SPOCK3: variants seen among roughly 807,000 people sequenced by gnomAD.
The protein encoded by SPOCK3 is SPARC (osteonectin), cwcv and kazal like domains proteoglycan 3.
Under a neutral mutation model 56.6 loss-of-function variants are expected in SPOCK3, and 30 were observed. The observed-to-expected ratio is 0.53, with a 90% CI of 0.40 to 0.72. The LOEUF (loss-of-function observed/expected upper bound fraction) is 0.72. Among genes scored for constraint, SPOCK3 ranks in the 30% least tolerant of loss-of-function variants. SPOCK3 has a pLI of 0.00. For synonymous variants in SPOCK3, 196 were observed against 183.3 expected (o/e 1.07, Z -0.56); for missense variants, 527 against 530.0 (o/e 0.99, Z 0.06).
intron 4 of SPOCK3, among the ~76,000 whole-genome samples, chr4:166,936,680 C>T (rs1331375791): frequency 2.6e-5 from 4 of 151,972 alleles, no homozygotes; most frequent in Admixed American, 1.3e-4. Flanking sequence ...AATTTCTCTA[C>T]TACGTATTTG....
intron 2 of SPOCK3, among the ~76,000 whole-genome samples, chr4:167,112,355 T>C (rs1318600381): frequency 6.6e-6 from 1 of 152,102 alleles, no homozygotes; most frequent in African/African-American, 2.4e-5. Flanking sequence ...TAAATATAAA[T>C]TGCTTAAATA....
intron 3 of SPOCK3, among the ~76,000 whole-genome samples, chr4:167,024,499 T>C (rs949355839): frequency 6.6e-6 from 1 of 152,074 alleles, no homozygotes; most frequent in African/African-American, 2.4e-5. Context: ...GAGAGTTAAT[T>C]TTAACCCTAC....
chr4:167,039,366 G>A (rs183991516), intron 3 of SPOCK3, among the ~76,000 whole-genome samples: 13 of 151,976 alleles, frequency 8.6e-5, no homozygotes, highest in Non-Finnish European at 1.6e-4. Context: ...TCTTCTGCGG[G>A]GACATAACTC....
intron 7 of SPOCK3, among the ~76,000 whole-genome samples, chr4:166,766,399 G>A (rs944255996): frequency 1.3e-5 from 2 of 152,200 alleles, no homozygotes; most frequent in East Asian, 1.9e-4. Context: ...TAGCATGAAG[G>A]GCTGTCGAAT....
At chr4:166,917,703 C>G (rs28754440) in intron 4 of SPOCK3, among the ~76,000 whole-genome samples, 47,882 of 151,814 alleles carry the variant, frequency 0.32, 8,198 homozygotes, top group East Asian at 0.75. Flanking sequence ...TTATTTTTCT[C>G]TTTCCTGCTC....
At chr4:166,766,110 A>C (rs1188762126) in intron 7 of SPOCK3, among the ~76,000 whole-genome samples, 1 of 152,172 alleles carries the variant, frequency 6.6e-6, no homozygotes, top group Admixed American at 6.5e-5. Flanking sequence ...GGTTTTCTAA[A>C]TATACAATCA....
chr4:166,753,980 T>C (rs1736739345), intron 8 of SPOCK3: 1 of 543,454 alleles, frequency 1.8e-6, no homozygotes, highest in Non-Finnish European at 2.3e-6. Context: ...TAAGACACTT[T>C]TTCTGCTAGT....
intron 6 of SPOCK3, among the ~76,000 whole-genome samples, chr4:166,794,304 C>T (rs1245763994): frequency 6.7e-6 from 1 of 149,058 alleles, no homozygotes; most frequent in Non-Finnish European, 1.5e-5. Flanking sequence ...TGACATGGGT[C>T]TTCTGCTCCC....
chr4:167,112,561 T>C (rs561897994), intron 2 of SPOCK3, among the ~76,000 whole-genome samples: 1 of 152,152 alleles, frequency 6.6e-6, no homozygotes, highest in African/African-American at 2.4e-5. Context: ...GATTGTCATG[T>C]CTCCAACAGG....
intron 4 of SPOCK3, among the ~76,000 whole-genome samples, chr4:166,951,486 C>T (rs184685600): frequency 0.016 from 2,313 of 141,954 alleles, 214 homozygotes; most frequent in Non-Finnish European, 0.024. Context: ...GATTCACAGC[C>T]GAATTCTACC....
At chr4:167,126,378 T>A (rs1471943258) in intron 2 of SPOCK3, among the ~76,000 whole-genome samples, 2 of 151,922 alleles carry the variant, frequency 1.3e-5, no homozygotes, top group Admixed American at 6.6e-5. Flanking sequence ...CAAAACCCCG[T>A]CTCTACTAAA....
intron 4 of SPOCK3, among the ~76,000 whole-genome samples, chr4:166,955,673 GA>G (rs1368463142): frequency 6.9e-6 from 1 of 145,186 alleles, no homozygotes; most frequent in African/African-American, 2.5e-5. Context: ...AATATATAGA[GA>G]AATATAAATT....
intron 7 of SPOCK3, among the ~76,000 whole-genome samples, chr4:166,776,140 C>G (rs894633297): frequency 5.3e-5 from 8 of 152,046 alleles, no homozygotes; most frequent in Admixed American, 4.6e-4. Context: ...CTGGGCTGGG[C>G]ACGGTGGCTC....
chr4:166,797,656 CTT>C (rs1279816446), intron 6 of SPOCK3, among the ~76,000 whole-genome samples: 3 of 151,984 alleles, frequency 2.0e-5, no homozygotes, highest in South Asian at 4.2e-4. Context: ...GTATTAAAAA[CTT>C]ATTTTTTTTC....
At chr4:167,166,572 T>C (rs1200117390) in intron 2 of SPOCK3, among the ~76,000 whole-genome samples, 1 of 152,108 alleles carries the variant, frequency 6.6e-6, no homozygotes. Flanking sequence ...ACTCTGGTTA[T>C]AAAAGCACCT....
intron 6 of SPOCK3, among the ~76,000 whole-genome samples, chr4:166,860,819 A>ATATATATATATATATATATG (rs1240242462): frequency 5.5e-5 from 8 of 144,750 alleles, no homozygotes; most frequent in East Asian, 3.9e-4. Context: ...ATATATATGT[A>ATATATATATATATATATATG]TATATATATA....
At chr4:167,047,023 C>G (rs1409129279) in intron 3 of SPOCK3, among the ~76,000 whole-genome samples, 14 of 152,074 alleles carry the variant, frequency 9.2e-5, no homozygotes, top group Admixed American at 8.5e-4. Context: ...ACGGATATAA[C>G]TACATGCTAG....
At chr4:166,796,847 T>C (rs1297338902) in intron 6 of SPOCK3, among the ~76,000 whole-genome samples, 1 of 152,176 alleles carries the variant, frequency 6.6e-6, no homozygotes. Flanking sequence ...TGTAGTACAG[T>C]TAAAATCTGG....
At chr4:167,207,862 AAAGTAT>A (rs1323220677) in intron 2 of SPOCK3, among the ~76,000 whole-genome samples, 1 of 152,074 alleles carries the variant, frequency 6.6e-6, no homozygotes, top group Non-Finnish European at 1.5e-5. Context: ...CCTAAAACTT[AAAGTAT>A]AATAATAAAA....
Sources: gnomAD v4.1 joint callset for allele counts (sites outside exome capture counted in the v4.1 genomes callset) on GRCh38, gnomAD v4.1.1 for gene constraint, MANE v1.5 for transcripts, NCBI Gene and HGNC (gene_info 2026-07-23, HGNC 2026-07-21) for gene names.